CHD9: variants seen among roughly 807,000 people sequenced by gnomAD.
CHD9 encodes the protein ATP-dependent chromatin remodeler CHD9.
A neutral mutation model predicts 316.1 loss-of-function variants in CHD9; 77 were observed. The ratio of observed to expected loss-of-function variants is 0.24; its 90% confidence interval spans 0.20 to 0.29. The LOEUF (loss-of-function observed/expected upper bound fraction) is 0.29. Ranked by LOEUF, CHD9 falls within the 10% of genes least tolerant of loss-of-function variation. The pLI is 1.00. For synonymous variants in CHD9, 1,129 were observed against 1,158.3 expected, an observed-to-expected ratio of 0.97 and a Z score of 0.51; for missense variants, 2,763 against 3,438.1, an observed-to-expected ratio of 0.80 and a Z score of 4.91.
At chr16:53,059,779 A>G (rs1213750384) in intron 1 of CHD9, among the ~76,000 whole-genome samples, 1 of 152,240 alleles carries the variant, frequency 6.6e-6, no homozygotes, top group Non-Finnish European at 1.5e-5. Flanking sequence ...TTCAGTTGCA[A>G]CTGCAGTAAA....
rs565023608 is a variant in CHD9, at chr16:53,296,737, G to A, written c.5511-219G>A. On this transcript the variant is annotated intron_variant, in intron 29 of 38. Transcript: ENST00000447540. The stretch of plus-strand genomic sequence containing the variant: ...TGGGATTACAGGCATGAGCCACCGC[G>A]CCCGACCCATTAAAAGTAAATTTTT... Among the ~76,000 whole-genome samples the A allele has an allele frequency of 3.9e-4, 59 of 152,000 alleles. No homozygotes were observed. The South Asian group carries it at 0.011, about 27-fold the overall frequency.
chr16:53,070,343 C>T (rs1442370623), intron 1 of CHD9, among the ~76,000 whole-genome samples: 3 of 151,828 alleles, frequency 2.0e-5, no homozygotes, highest in African/African-American at 7.3e-5. Flanking sequence ...AGTTTTCCCT[C>T]TATATTTTCT....
At chr16:53,304,815 C>T (rs1399958916) in intron 31 of CHD9, among the ~76,000 whole-genome samples, 190 bp downstream of exon 31, 5 of 150,986 alleles carry the variant, frequency 3.3e-5, no homozygotes, top group African/African-American at 1.2e-4. Flanking sequence ...CTGCCTCAGC[C>T]TCCCAAGTAG....
chr16:53,127,620 C>CG (rs1034485159), intron 1 of CHD9, among the ~76,000 whole-genome samples: 4 of 151,522 alleles, frequency 2.6e-5, no homozygotes, highest in African/African-American at 9.7e-5. Flanking sequence ...AAAATGGGGG[C>CG]GGGGGGGAAT....
chr16:53,314,889 C>T lies in CHD9; in HGVS notation c.7429C>T (p.Pro2477Ser). The change falls in exon 36 of 39, where the codon CCT (proline) becomes TCT (serine). Residue 2477 changes from proline (P) to serine (S), a missense_variant. Physicochemically the swap from Pro to Ser is moderately conservative, Grantham distance 74. This residue lies in a region of CHD9 where 663 missense variants were observed against 751.2 expected (regional missense o/e 0.88). Transcript: ENST00000447540. ...GINPALSYTQ[P>S]QGIPDTESPV... The stretch of plus-strand genomic sequence containing the variant: ...AAATCCAGCACTATCCTATACTCAA[C>T]CTCAAGGAATTCCTGATACAGAAAG... 1 of 1,613,716 alleles carries T rather than the reference C, an allele frequency of 6.2e-7. No homozygotes were observed. The highest frequency in any genetic ancestry group is 2.2e-5 in the East Asian group (1 of 44,846).
At chr16:53,196,006 C>A (rs546521527) in intron 2 of CHD9, among the ~76,000 whole-genome samples, 42 of 152,180 alleles carry the variant, frequency 2.8e-4, no homozygotes, top group Non-Finnish European at 4.6e-4. Context: ...GATTCACTTG[C>A]CTCAGCCTCC....
At chr16:53,063,422 G>A (rs2033158457) in intron 1 of CHD9, among the ~76,000 whole-genome samples, 1 of 150,212 alleles carries the variant, frequency 6.7e-6, no homozygotes, top group African/African-American at 2.5e-5. Context: ...GGTGATATTT[G>A]AATAACTGAA....
chr16:53,218,821 G>A (rs2046989311), intron 3 of CHD9, among the ~76,000 whole-genome samples: 1 of 152,144 alleles, frequency 6.6e-6, no homozygotes, highest in African/African-American at 2.4e-5. Context: ...CACTCTCCGT[G>A]TGTTGTTCTC....
At chr16:53,063,420 T>C (rs899776593) in intron 1 of CHD9, among the ~76,000 whole-genome samples, 1 of 150,264 alleles carries the variant, frequency 6.7e-6, no homozygotes, top group Non-Finnish European at 1.5e-5. Context: ...AAGGTGATAT[T>C]TGAATAACTG....
chr16:53,304,251 A>G lies in CHD9; in HGVS notation c.6245A>G (p.Asn2082Ser), dbSNP rs560753901. ...AAATCTGAGCCTGTAAGTCCAAAGA[A>G]TGGTGTTTTACCACAGGCTACTGGA... ...LIKSEPVSPK[N>S]GVLPQATGDQ... Residue 2082 changes from asparagine (N) to serine (S), a missense_variant, in exon 31 of 39, where the codon AAT (asparagine) becomes AGT (serine). Transcript: ENST00000447540. 54 of 1,611,374 alleles carry G rather than the reference A, an allele frequency of 3.4e-5. No homozygotes were observed. The highest frequency in any genetic ancestry group is 4.3e-5 in the Non-Finnish European group (51 of 1,179,082).
chr16:53,246,853 G>A (rs1399024472), intron 15 of CHD9, among the ~76,000 whole-genome samples: 1 of 151,950 alleles, frequency 6.6e-6, no homozygotes, highest in African/African-American at 2.4e-5. Context: ...TTGTTTTGAT[G>A]GCTAACAAGA....
At chr16:53,218,414 G>A (rs1437218839) in intron 3 of CHD9, among the ~76,000 whole-genome samples, 4 of 152,052 alleles carry the variant, frequency 2.6e-5, no homozygotes, top group Non-Finnish European at 5.9e-5. Context: ...CCACTCAAAA[G>A]GGCAAGTGTT....
chr16:53,240,024 C>T (rs1361806591), intron 12 of CHD9, among the ~76,000 whole-genome samples: 1 of 152,130 alleles, frequency 6.6e-6, no homozygotes, highest in African/African-American at 2.4e-5. Context: ...AACTCTTGGG[C>T]TTAAGTGATC....
chr16:53,203,757 C>T (rs985684332), intron 2 of CHD9, among the ~76,000 whole-genome samples: 1 of 152,042 alleles, frequency 6.6e-6, no homozygotes, highest in Non-Finnish European at 1.5e-5. Context: ...GGCGTGGTGG[C>T]TCACGCTTGT....
intron 2 of CHD9, among the ~76,000 whole-genome samples, chr16:53,170,038 A>AG (rs1447389627): frequency 5.6e-4 from 73 of 130,002 alleles, no homozygotes; most frequent in African/African-American, 2.0e-3. Flanking sequence ...CAGGTTAAGC[A>AG]GTTTTTTTTT....
chr16:53,250,012 A>G lies in CHD9; in HGVS notation c.3807A>G (p.Ala1269=), dbSNP rs201754746. The change falls in exon 17 of 39, where the codon GCA becomes GCG. Residue 1269 remains alanine, a synonymous_variant. Coordinates refer to ENST00000447540, the MANE Select transcript of CHD9 (RefSeq NM_001308319.2). ...GTGGGTTGGGCATCAACTTAACTGC[A>G]GCTGATACATGTATAATTTTTGATT... ...RAGGLGINLT[A]ADTCIIFDSD... is the part of the protein sequence containing the mutation. 7 of 1,613,614 alleles carry G rather than the reference A, an allele frequency of 4.3e-6. No homozygotes were observed. Among genetic ancestry groups the G allele is most frequent in the Admixed American group, 1.7e-5 (1 of 59,974 alleles).
intron 12 of CHD9, among the ~76,000 whole-genome samples, chr16:53,240,299 A>G (rs1468916430): frequency 6.6e-6 from 1 of 152,214 alleles, no homozygotes; most frequent in Non-Finnish European, 1.5e-5. Context: ...CATTTTTTAT[A>G]GAAAGCACAA....
intron 3 of CHD9, among the ~76,000 whole-genome samples, chr16:53,220,171 A>G (rs2047119273): frequency 1.3e-5 from 2 of 152,212 alleles, no homozygotes; most frequent in Non-Finnish European, 2.9e-5. Flanking sequence ...ATGTTGCTTC[A>G]GAATATCTTT....
chr16:53,231,888 C>T, intron 10 of CHD9, 104 bp downstream of exon 10: 2 of 1,124,234 alleles, frequency 1.8e-6, no homozygotes, highest in Non-Finnish European at 2.5e-6. Context: ...TTCTTTTAAA[C>T]AGGCTTGTTA....
Sources: allele counts gnomAD v4.1 joint callset (sites outside exome capture counted in the v4.1 genomes callset), GRCh38; gene constraint gnomAD v4.1.1; regional missense constraint gnomAD v4.1.1; transcripts MANE v1.5; gene names NCBI Gene and HGNC (gene_info 2026-07-23, HGNC 2026-07-21).